The following ANKRD18B variants were observed in gnomAD, a reference collection of about 807,000 sequenced individuals.
The protein encoded by ANKRD18B is ankyrin repeat domain 18B.
Under a neutral mutation model 111.8 loss-of-function variants are expected in ANKRD18B, and 75 were observed. That is an observed-to-expected ratio of 0.67 (90% CI 0.56 to 0.81). The LOEUF (loss-of-function observed/expected upper bound fraction) is 0.81, where lower values mean the gene tolerates loss of function less well. Among genes scored for constraint, ANKRD18B ranks in the 40% least tolerant of loss-of-function variants. ANKRD18B has a pLI of 0.00. For missense variants in ANKRD18B, 1,038 were observed against 1,225.5 expected, an observed-to-expected ratio of 0.85 and a Z score of 2.28; for synonymous variants, 356 against 417.3, an observed-to-expected ratio of 0.85 and a Z score of 1.79.
chr9:33,532,120 G>T (rs1164724285), intron 3 of ANKRD18B, among the ~76,000 whole-genome samples: 1 of 152,122 alleles, frequency 6.6e-6, no homozygotes, highest in Admixed American at 6.5e-5. Flanking sequence ...TGTAGTTCCA[G>T]CTATTTGGGA....
chr9:33,545,818 A>G (rs549790638), intron 10 of ANKRD18B, among the ~76,000 whole-genome samples: 16 of 152,342 alleles, frequency 1.1e-4, no homozygotes, highest in Admixed American at 5.9e-4. Context: ...TTCTCTTTTT[A>G]TAAGTTATCT....
intron 18 of ANKRD18B, chr9:33,572,077 T>C (rs1440190206): frequency 4.0e-6 from 2 of 505,422 alleles, no homozygotes; most frequent in Non-Finnish European, 7.1e-6. Flanking sequence ...CTGGCTCTAG[T>C]ACCTTAGCAC....
In ANKRD18B at chr9:33,537,347, G is replaced by A. The variant is rs376893680; in HGVS notation, c.808+402G>A. Among the ~76,000 whole-genome samples the A allele has an allele frequency of 6.6e-5, 10 of 151,832 alleles. No individual in the cohort carries two copies. The East Asian group carries it at 9.6e-4, about 15-fold the overall frequency. ...ACATATTTTTAATCATAAAAGAGCA[G>A]TTTAAAAAAATATGTTTATATATAA... is the stretch of plus-strand genomic sequence containing the variant. On this transcript the variant is annotated intron_variant, in intron 6 of 18. Transcript: ENST00000684830.
Position 33,568,808 on chromosome 9 carries a change from A to T in ANKRD18B, c.3092A>T (p.Asn1031Ile). Reference protein sequence around the residue: ...CVENLNSIELNRKYIPKMAIR... With the variant: ...CVENLNSIELIRKYIPKMAIR... ...GAAAATCTTAATAGTATAGAACTCA[A>T]CAGAAAATATATTCCCAAAATGGCC... Residue 1031 changes from asparagine to isoleucine, a missense_variant, in exon 17 of 19, where the codon AAC becomes ATC. By Grantham distance (149) the Asn-to-Ile change is moderately radical. Around this residue, in one of 4 missense-constraint regions of ANKRD18B, gnomAD observed 524 missense variants for 677.9 expected, o/e 0.77. Transcript: ENST00000684830. The T allele has an allele frequency of 1.3e-6, 2 of 1,551,444 alleles. No homozygotes were observed. The highest frequency in any genetic ancestry group is 2.4e-5 in the East Asian group (1 of 40,896).
chr9:33,539,620 A>G (rs780186612), intron 7 of ANKRD18B, 118 bp downstream of exon 7: 4 of 152,682 alleles, frequency 2.6e-5, no homozygotes, highest in African/African-American at 4.8e-5. Flanking sequence ...ATTATTTATT[A>G]TACTTAGTAC....
chr9:33,543,103 G>A, intron 9 of ANKRD18B, 82 bp from the exon 10 acceptor site: 2 of 1,191,356 alleles, frequency 1.7e-6, no homozygotes, highest in Non-Finnish European at 2.4e-6. Context: ...AAAGAAAAGT[G>A]TGTGTTGTTT....
intron 3 of ANKRD18B, among the ~76,000 whole-genome samples, chr9:33,533,063 C>T (rs201674586): frequency 9.5e-4 from 144 of 152,110 alleles, no homozygotes; most frequent in African/African-American, 3.1e-3. Context: ...TTAAAGCATT[C>T]GCTACTATGT....
intron 2 of ANKRD18B, 51 bp downstream of exon 2, chr9:33,528,892 A>G (rs1828066915): frequency 6.4e-7 from 1 of 1,562,518 alleles, no homozygotes; most frequent in African/African-American, 1.4e-5. Context: ...AATACATAGA[A>G]TTAAAATGAA....
rs1436667005 is a variant in ANKRD18B, at chr9:33,550,429, G to A, written c.2068-1G>A. Reference sequence around the variant, plus strand: ...AATTGGTAACAAAAATATTTTGTCAGGTGATTGTGAGAGAATTTCAAGAAG... The same window carrying A: ...AATTGGTAACAAAAATATTTTGTCAAGTGATTGTGAGAGAATTTCAAGAAG... On this transcript the variant is annotated splice_acceptor_variant, in intron 11 of 18. Coordinates refer to ENST00000684830, the MANE Select transcript of ANKRD18B (RefSeq NM_001393611.1). LOFTEE classifies it high-confidence loss of function. 6.5e-7 allele frequency: 1 copy of A among 1,532,858 alleles called. No individual in the cohort carries two copies. The allele number at this position is 1,532,858 out of a possible 1,614,324, so 95.0% of individuals were successfully genotyped here.
At chr9:33,543,106 T>C in intron 9 of ANKRD18B, 79 bp from the exon 10 acceptor site, 13 of 1,224,742 alleles carry the variant, frequency 1.1e-5, no homozygotes, top group Admixed American at 5.1e-5. Flanking sequence ...GAAAAGTGTG[T>C]GTTGTTTTGT....
At chr9:33,555,443 C>A (rs1012620963) in intron 12 of ANKRD18B, among the ~76,000 whole-genome samples, 3 of 152,162 alleles carry the variant, frequency 2.0e-5, no homozygotes, top group African/African-American at 7.2e-5. Flanking sequence ...ACCCTTAGTA[C>A]TTTATGTGTA....
intron 12 of ANKRD18B, among the ~76,000 whole-genome samples, chr9:33,552,578 A>G (rs1280314679): frequency 1.3e-5 from 2 of 152,208 alleles, no homozygotes; most frequent in African/African-American, 4.8e-5. Flanking sequence ...ATTGTAGTAC[A>G]TACATGACTG....
At chr9:33,527,052 G>A (rs185534052) in intron 1 of ANKRD18B, among the ~76,000 whole-genome samples, 2 of 152,272 alleles carry the variant, frequency 1.3e-5, no homozygotes, top group East Asian at 3.9e-4. Context: ...AGCAAGATGA[G>A]AGATTTAAAA....
At chr9:33,551,387 C>A (rs980823200) in intron 12 of ANKRD18B, among the ~76,000 whole-genome samples, 3 of 152,200 alleles carry the variant, frequency 2.0e-5, no homozygotes. Context: ...CATCTCTTAG[C>A]CATGACTGCA....
chr9:33,530,675 C>G (rs1828101046), intron 3 of ANKRD18B, among the ~76,000 whole-genome samples: 1 of 152,142 alleles, frequency 6.6e-6, no homozygotes. Context: ...CTACTTTCTT[C>G]AAAGTTCTCT....
At chr9:33,536,285 C>A (rs747397035) in intron 5 of ANKRD18B, among the ~76,000 whole-genome samples, 21 of 152,252 alleles carry the variant, frequency 1.4e-4, no homozygotes, top group Non-Finnish European at 2.2e-4. Flanking sequence ...CTACAAGCCA[C>A]AATGAATAGA....
intron 14 of ANKRD18B, among the ~76,000 whole-genome samples, chr9:33,564,080 C>G (rs544830311): frequency 2.6e-5 from 4 of 152,322 alleles, no homozygotes; most frequent in Admixed American, 2.6e-4. Context: ...ATCCTCCGAC[C>G]TCACCCTCCT....
intron 1 of ANKRD18B, among the ~76,000 whole-genome samples, chr9:33,527,586 C>G (rs769719506): frequency 6.6e-6 from 1 of 152,198 alleles, no homozygotes; most frequent in Non-Finnish European, 1.5e-5. Flanking sequence ...TCCCAAAATG[C>G]TGGGATTACA....
At chr9:33,524,818 C>G (rs994390917) in intron 1 of ANKRD18B, 123 bp downstream of exon 1, 164 of 1,199,450 alleles carry the variant, frequency 1.4e-4, no homozygotes, top group Middle Eastern at 2.9e-4. Flanking sequence ...GGAGCCTCAG[C>G]TGCTTTCCAT....
Sources: allele counts gnomAD v4.1 joint callset (sites outside exome capture counted in the v4.1 genomes callset), GRCh38; gene constraint gnomAD v4.1.1; regional missense constraint gnomAD v4.1.1; transcripts MANE v1.5; gene names NCBI Gene and HGNC (gene_info 2026-07-23, HGNC 2026-07-21).